Variants in FRMD4A observed in about 807,000 individuals in gnomAD.
FRMD4A encodes FERM domain containing 4A, also known as FERM domain-containing protein 4A.
Under a neutral mutation model 129.1 loss-of-function variants are expected in FRMD4A, and 29 were observed. The ratio of observed to expected loss-of-function variants is 0.22; its 90% CI spans 0.17 to 0.31. The LOEUF (loss-of-function observed/expected upper bound fraction) is 0.31, where lower values mean the gene tolerates loss of function less well. FRMD4A is among the 10% of genes least tolerant of loss of function. The pLI, the probability that FRMD4A is intolerant of heterozygous loss-of-function variation, is 1.00. For missense variants in FRMD4A, 1,272 were observed against 1,375.8 expected (o/e 0.92, Z 1.19); for synonymous variants, 634 against 571.6 (o/e 1.11, Z -1.56).
intron 15 of FRMD4A, among the ~76,000 whole-genome samples, chr10:13,679,472 TATACACAC>T (rs2084317461): frequency 4.7e-4 from 10 of 21,394 alleles, no homozygotes; most frequent in Non-Finnish European, 7.7e-4. Context: ...TATATATATA[TATACACAC>T]ACACACACAC....
At chr10:14,247,508 T>A (rs1564415431) in intron 2 of FRMD4A, among the ~76,000 whole-genome samples, 1 of 152,194 alleles carries the variant, frequency 6.6e-6, no homozygotes, top group Admixed American at 6.5e-5. Flanking sequence ...TCTCTCTCTC[T>A]CACTCTCACT....
chr10:13,931,438 A>C (rs141362506), intron 2 of FRMD4A, among the ~76,000 whole-genome samples: 1 of 152,188 alleles, frequency 6.6e-6, no homozygotes, highest in African/African-American at 2.4e-5. Flanking sequence ...GGACCCTTGT[A>C]CCAATGACCA....
chr10:14,134,340 A>AGT (rs1168369529), intron 2 of FRMD4A, among the ~76,000 whole-genome samples: 2 of 149,648 alleles, frequency 1.3e-5, no homozygotes, highest in Non-Finnish European at 3.0e-5. Context: ...TGGCTAGATG[A>AGT]GTGGATGAAT....
intron 12 of FRMD4A, among the ~76,000 whole-genome samples, chr10:13,722,950 A>G (rs1171599150): frequency 1.3e-5 from 2 of 151,204 alleles, no homozygotes; most frequent in African/African-American, 2.4e-5. Flanking sequence ...CTAGCTCACC[A>G]TGCTAGTTAG....
chr10:14,249,331 G>A (rs1207649685), intron 2 of FRMD4A, among the ~76,000 whole-genome samples: 13 of 144,334 alleles, frequency 9.0e-5, no homozygotes, highest in East Asian at 2.0e-4. Flanking sequence ...CAGCCTGAGC[G>A]ACAGAGCAAG....
intron 2 of FRMD4A, among the ~76,000 whole-genome samples, chr10:14,104,851 C>T (rs539723948): frequency 6.6e-6 from 1 of 152,228 alleles, no homozygotes; most frequent in Non-Finnish European, 1.5e-5. Context: ...CCTAACAGAG[C>T]AGCTGCCTTT....
intron 2 of FRMD4A, among the ~76,000 whole-genome samples, chr10:13,935,261 A>T (rs936202144): frequency 1.3e-5 from 2 of 151,862 alleles, no homozygotes; most frequent in African/African-American, 4.8e-5. Context: ...AACATAATGA[A>T]ACCCTGTCTC....
chr10:13,685,473 C>T (rs2084983420), intron 15 of FRMD4A: 1 of 984,856 alleles, frequency 1.0e-6, no homozygotes, highest in South Asian at 4.7e-5. Flanking sequence ...ATTTCTTAGG[C>T]TGTGAAATGA....
intron 2 of FRMD4A, among the ~76,000 whole-genome samples, chr10:14,037,808 G>T (rs1833571428): frequency 6.6e-6 from 1 of 152,104 alleles, no homozygotes; most frequent in South Asian, 2.1e-4. Context: ...CACTGTGATG[G>T]GTAAAAAATG....
rs979019203 is a variant in FRMD4A at position 14,129,387 on chromosome 10, TATATATATATATATATATATAA to T, written c.45+200649_45+200670del. On this transcript the variant is annotated intron_variant, in intron 2 of 24. Coordinates refer to ENST00000357447, the MANE Select transcript of FRMD4A (RefSeq NM_018027.5). ...ATTATGATTCATATATATATATATA[TATATATATATATATATATATAA>T]AAAATATGAGCTGTAGAACATACTT... 2.6e-4 allele frequency among the ~76,000 whole-genome samples: 33 copies of T among 128,680 alleles called. 1 individual carries two copies. The highest frequency in any genetic ancestry group is 6.0e-4 in the African/African-American group (18 of 30,252). 84.4% of individuals were successfully genotyped at this position (128,680 alleles called of 152,430 possible). A position where few individuals can be genotyped will look rare whatever the true frequency, so the allele number is the denominator to read the frequency against.
At chr10:13,943,010 T>C (rs532882217) in intron 2 of FRMD4A, among the ~76,000 whole-genome samples, 2 of 152,314 alleles carry the variant, frequency 1.3e-5, no homozygotes, top group Non-Finnish European at 2.9e-5. Context: ...TGTGGTTTGT[T>C]TCATGAAATA....
intron 2 of FRMD4A, among the ~76,000 whole-genome samples, chr10:14,013,174 A>T (rs112420207): frequency 1.3e-5 from 2 of 152,190 alleles, no homozygotes; most frequent in East Asian, 3.9e-4. Flanking sequence ...TACCACTTAC[A>T]TGAAGGAAAC....
At chr10:14,009,490 C>T (rs922405655) in intron 2 of FRMD4A, among the ~76,000 whole-genome samples, 4 of 152,106 alleles carry the variant, frequency 2.6e-5, no homozygotes, top group Non-Finnish European at 5.9e-5. Context: ...GACCAGTGTG[C>T]TTACTTCATT....
At chr10:14,018,034 G>A (rs2095704637) in intron 2 of FRMD4A, among the ~76,000 whole-genome samples, 1 of 152,064 alleles carries the variant, frequency 6.6e-6, no homozygotes, top group Non-Finnish European at 1.5e-5. Flanking sequence ...TTGCTTGCTG[G>A]GGGTACTCCA....
chr10:13,767,602 G>C (rs957182268), intron 6 of FRMD4A, among the ~76,000 whole-genome samples: 8 of 152,224 alleles, frequency 5.3e-5, no homozygotes, highest in Non-Finnish European at 1.0e-4. Context: ...AGACCACACA[G>C]AGTGTGCAAA....
At chr10:14,317,671 G>T (rs1461073364) in intron 2 of FRMD4A, among the ~76,000 whole-genome samples, 1 of 146,796 alleles carries the variant, frequency 6.8e-6, no homozygotes, top group African/African-American at 2.5e-5. Context: ...AAAGAGAAGA[G>T]AAGAGAATAG....
intron 3 of FRMD4A, among the ~76,000 whole-genome samples, chr10:13,814,144 A>G (rs1564845820): frequency 2.6e-5 from 4 of 152,204 alleles, no homozygotes; most frequent in Admixed American, 2.0e-4. Context: ...GAACAGAGAT[A>G]GAGGAGGAGG....
chr10:14,176,370 G>A (rs1452210961), intron 2 of FRMD4A, among the ~76,000 whole-genome samples: 2 of 149,306 alleles, frequency 1.3e-5, no homozygotes, highest in South Asian at 4.3e-4. Flanking sequence ...CAGTCTCTTT[G>A]TGACACTTCT....
At chr10:13,795,203 G>A in intron 5 of FRMD4A, among the ~76,000 whole-genome samples, 1 of 152,118 alleles carries the variant, frequency 6.6e-6, no homozygotes, top group East Asian at 1.9e-4. Flanking sequence ...GATACCACCT[G>A]CCCCTCCCAG....
Sources: allele counts gnomAD v4.1 joint callset (sites outside exome capture counted in the v4.1 genomes callset), GRCh38; gene constraint gnomAD v4.1.1; transcripts MANE v1.5; gene names NCBI Gene and HGNC (gene_info 2026-07-23, HGNC 2026-07-21).